The following NTRK2 variants were observed in gnomAD, a reference collection of about 807,000 sequenced individuals.
The protein encoded by NTRK2 is BDNF/NT-3 growth factors receptor.
NTRK2 carries 13 observed loss-of-function variants against 94.5 expected under a neutral mutation model. The ratio of observed to expected loss-of-function variants is 0.14; its 90% CI spans 0.09 to 0.22. The LOEUF (loss-of-function observed/expected upper bound fraction) is 0.22. Ranked by LOEUF, NTRK2 falls within the 10% of genes least tolerant of loss-of-function variation. The pLI, the probability that NTRK2 is intolerant of heterozygous loss-of-function variation, is 1.00. For synonymous variants in NTRK2, 372 were observed against 407.4 expected (o/e 0.91, Z 1.05); for missense variants, 639 against 1,071.2 (o/e 0.60, Z 5.63).
intron 6 of NTRK2, among the ~76,000 whole-genome samples, chr9:84,713,815 T>C (rs1231535850): frequency 1.3e-5 from 2 of 152,008 alleles, no homozygotes; most frequent in Non-Finnish European, 2.9e-5. Context: ...TTTTTTCCCC[T>C]CTAGAGGTTT....
chr9:84,983,164 G>A (rs565423784), intron 17 of NTRK2, among the ~76,000 whole-genome samples: 5 of 152,282 alleles, frequency 3.3e-5, no homozygotes, highest in East Asian at 3.9e-4. Context: ...CTTTAACAGC[G>A]TCTGATACCA....
intron 12 of NTRK2, among the ~76,000 whole-genome samples, chr9:84,816,552 G>A (rs1027644013): frequency 1.3e-5 from 2 of 151,894 alleles, no homozygotes; most frequent in African/African-American, 4.8e-5. Flanking sequence ...AGGCTGAGGC[G>A]GGCGGATCAT....
chr9:84,881,339 G>C (rs1224687358), intron 14 of NTRK2, among the ~76,000 whole-genome samples: 1 of 152,158 alleles, frequency 6.6e-6, no homozygotes, highest in South Asian at 2.1e-4. Context: ...GGTATATGTC[G>C]TATGTCTCTG....
chr9:84,757,196 G>C (rs2065159564), intron 12 of NTRK2, among the ~76,000 whole-genome samples: 1 of 151,998 alleles, frequency 6.6e-6, no homozygotes, highest in Non-Finnish European at 1.5e-5. Flanking sequence ...AATTAGAATG[G>C]TAACAATTGA....
intron 14 of NTRK2, among the ~76,000 whole-genome samples, chr9:84,882,316 T>C (rs1374479976): frequency 6.6e-6 from 1 of 152,230 alleles, no homozygotes; most frequent in Non-Finnish European, 1.5e-5. Context: ...ATTTAAATCC[T>C]GAAATTTCTT....
intron 6 of NTRK2, among the ~76,000 whole-genome samples, chr9:84,718,125 A>G (rs1371116727): frequency 2.0e-5 from 3 of 151,592 alleles, no homozygotes; most frequent in African/African-American, 7.3e-5. Context: ...TCAATAAATT[A>G]GAGTTCTATA....
At chr9:84,760,925 AG>A (rs2065509363) in intron 12 of NTRK2, among the ~76,000 whole-genome samples, 3 of 152,258 alleles carry the variant, frequency 2.0e-5, no homozygotes, top group Non-Finnish European at 4.4e-5. Flanking sequence ...ACAGCCTGCT[AG>A]AAAGGAAAAG....
At chr9:84,871,895 G>C in intron 14 of NTRK2, 1 of 1,612,610 alleles carries the variant, frequency 6.2e-7, no homozygotes, top group Non-Finnish European at 8.5e-7. Flanking sequence ...TGGAGGAGAA[G>C]AGTTCTATGG....
intron 9 of NTRK2, among the ~76,000 whole-genome samples, chr9:84,737,580 C>G (rs2063344092): frequency 6.6e-6 from 1 of 152,094 alleles, no homozygotes; most frequent in Non-Finnish European, 1.5e-5. Context: ...TCACTGGCTC[C>G]CTGGGAAGCT....
Position 84,855,116 on chromosome 9 carries a change from T to C in NTRK2, c.1397-5924T>C, listed in dbSNP as rs568220589. Among the ~76,000 whole-genome samples, 3 of 152,212 alleles carry C rather than the reference T, an allele frequency of 2.0e-5. No individual in the cohort carries two copies. The East Asian group carries it at 5.8e-4, about 29-fold the overall frequency. On this transcript the variant is annotated intron_variant, in intron 12 of 18. Coordinates refer to ENST00000277120, the MANE Select transcript of NTRK2 (RefSeq NM_006180.6). ...GTTGGCCTTGTCATGAGAGACTCTGTAGTAAGGATCAGAAGTTTATACTAA... is the reference window on the plus strand; with the variant it reads ...GTTGGCCTTGTCATGAGAGACTCTGCAGTAAGGATCAGAAGTTTATACTAA...
intron 4 of NTRK2, among the ~76,000 whole-genome samples, chr9:84,705,954 G>A (rs2131748052): frequency 6.6e-6 from 1 of 151,866 alleles, no homozygotes; most frequent in South Asian, 2.1e-4. Context: ...CACACCAGGT[G>A]AATTTTTGTG....
intron 12 of NTRK2, among the ~76,000 whole-genome samples, chr9:84,853,829 T>G (rs1587685902): frequency 6.6e-6 from 1 of 152,052 alleles, no homozygotes; most frequent in Admixed American, 6.6e-5. Flanking sequence ...TGCCTATAAT[T>G]CCAGCACTTT....
chr9:84,888,666 T>C (rs1377841764), intron 14 of NTRK2, among the ~76,000 whole-genome samples: 1 of 113,510 alleles, frequency 8.8e-6, no homozygotes, highest in African/African-American at 3.4e-5. Context: ...GAGAAGAGAC[T>C]CAAACCCAGG....
At chr9:84,778,081 A>G (rs1362831370) in intron 12 of NTRK2, among the ~76,000 whole-genome samples, 1 of 152,154 alleles carries the variant, frequency 6.6e-6, no homozygotes, top group Non-Finnish European at 1.5e-5. Context: ...GGGCAAAATG[A>G]CAAAGCGCTG....
intron 14 of NTRK2, among the ~76,000 whole-genome samples, chr9:84,895,154 T>TA: frequency 6.6e-6 from 1 of 152,310 alleles, no homozygotes; most frequent in African/African-American, 2.4e-5. Context: ...AAAAGTCTTT[T>TA]AAAAAATGTC....
intron 2 of NTRK2, among the ~76,000 whole-genome samples, chr9:84,674,120 T>TA (rs34335782): frequency 0.53 from 80,324 of 150,404 alleles, 22,992 homozygotes; most frequent in South Asian, 0.75. Context: ...TTAGCTGTGG[T>TA]AAAAAAAAAA....
chr9:84,683,437 A>G (rs529204720), intron 2 of NTRK2, among the ~76,000 whole-genome samples: 49 of 152,134 alleles, frequency 3.2e-4, no homozygotes, highest in African/African-American at 1.1e-3. Context: ...GAGAACATAC[A>G]GTGTTTGGTT....
intron 12 of NTRK2, among the ~76,000 whole-genome samples, chr9:84,860,453 T>A: frequency 6.6e-6 from 1 of 152,114 alleles, no homozygotes; most frequent in South Asian, 2.1e-4. Context: ...AGAATTAAGA[T>A]CTTTTTTTCC....
intron 15 of NTRK2, among the ~76,000 whole-genome samples, chr9:84,942,226 A>T (rs1000672815): frequency 1.3e-5 from 2 of 152,184 alleles, no homozygotes; most frequent in African/African-American, 4.8e-5. Context: ...CTAGTTTCTA[A>T]GATTTTATTT....
Sources: gnomAD v4.1 joint callset for allele counts (sites outside exome capture counted in the v4.1 genomes callset) on GRCh38, gnomAD v4.1.1 for gene constraint, MANE v1.5 for transcripts, NCBI Gene and HGNC (gene_info 2026-07-23, HGNC 2026-07-21) for gene names.